Variants in AKAP6 observed in about 807,000 individuals in gnomAD.
AKAP6 encodes the protein A-kinase anchor protein 6.
Under a neutral mutation model 188.5 loss-of-function variants are expected in AKAP6, and 58 were observed. The ratio of observed to expected loss-of-function variants is 0.31; its 90% CI spans 0.25 to 0.38. The LOEUF is 0.38. Among genes scored for constraint, AKAP6 ranks in the 10% least tolerant of loss-of-function variants. AKAP6 has a pLI of 1.00. For synonymous variants in AKAP6, 989 were observed against 998.6 expected, an observed-to-expected ratio of 0.99 and a Z score of 0.18; for missense variants, 2,710 against 2,740.0, an observed-to-expected ratio of 0.99 and a Z score of 0.24.
intron 1 of AKAP6, among the ~76,000 whole-genome samples, chr14:32,372,563 C>CTT (rs11414064): frequency 0.013 from 1,970 of 147,814 alleles, 36 homozygotes; most frequent in East Asian, 0.09. Flanking sequence ...TTTAAGATCA[C>CTT]TTTTTTTTTT....
intron 2 of AKAP6, among the ~76,000 whole-genome samples, chr14:32,518,955 G>A (rs1881668002): frequency 6.6e-6 from 1 of 152,186 alleles, no homozygotes; most frequent in African/African-American, 2.4e-5. Context: ...GAAAGGTCGG[G>A]TTACCCACAA....
chr14:32,622,595 T>G (rs542136165), intron 7 of AKAP6, among the ~76,000 whole-genome samples: 11 of 152,248 alleles, frequency 7.2e-5, no homozygotes, highest in African/African-American at 2.6e-4. Context: ...CTCAAAGGGT[T>G]ATTGAATTGA....
chr14:32,714,791 C>A lies in AKAP6; in HGVS notation c.3001-17663C>A, dbSNP rs149936835. Among the ~76,000 whole-genome samples, 847 of 151,894 alleles carry A rather than the reference C, an allele frequency of 5.6e-3. 3 individuals carry two copies. The highest frequency in any genetic ancestry group is 0.021 in the Middle Eastern group (6 of 292). On this transcript the variant is annotated intron_variant, in intron 9 of 13. Transcript: ENST00000280979. ...AAGTCATTTCATAATATATGAGCAA[C>A]CTTTTCTTACCTTCTGCTTGTATTG...
At chr14:32,361,950 T>G (rs1164594270) in intron 1 of AKAP6, among the ~76,000 whole-genome samples, 1 of 152,136 alleles carries the variant, frequency 6.6e-6, no homozygotes, top group African/African-American at 2.4e-5. Flanking sequence ...TCTGAGTTTT[T>G]TTTTTTCAGC....
intron 4 of AKAP6, among the ~76,000 whole-genome samples, chr14:32,557,820 T>G (rs1883758626): frequency 6.6e-6 from 1 of 152,192 alleles, no homozygotes; most frequent in African/African-American, 2.4e-5. Flanking sequence ...CCATTGCTTT[T>G]CTTTACTTTT....
intron 2 of AKAP6, among the ~76,000 whole-genome samples, chr14:32,529,140 G>T (rs1882279637): frequency 6.6e-6 from 1 of 152,066 alleles, no homozygotes; most frequent in South Asian, 2.1e-4. Flanking sequence ...TTACTTCCTT[G>T]ATTTCTTTCA....
chr14:32,518,652 G>A (rs192741370), intron 2 of AKAP6, among the ~76,000 whole-genome samples: 93 of 152,202 alleles, frequency 6.1e-4, no homozygotes, highest in African/African-American at 2.1e-3. Context: ...AAGAAAAAGA[G>A]TAAAAAGAAA....
At chr14:32,630,152 C>T (rs1386862477) in intron 7 of AKAP6, among the ~76,000 whole-genome samples, 2 of 152,084 alleles carry the variant, frequency 1.3e-5, no homozygotes, top group East Asian at 3.9e-4. Flanking sequence ...TAAGTTGTCA[C>T]AATTTAACAC....
chr14:32,549,097 A>G lies in AKAP6; in HGVS notation c.2346+2098A>G, dbSNP rs904798187. 2.8e-4 allele frequency among the ~76,000 whole-genome samples: 43 copies of G among 152,222 alleles called. 1 individual carries two copies. Among genetic ancestry groups the G allele is most frequent in the Non-Finnish European group, 1.5e-5 (1 of 68,044 alleles). ...AACATATTAATCATCATTAACATATATCAAGTATTCGTGTATCTAGTCCTC... is the reference window on the plus strand; with the variant it reads ...AACATATTAATCATCATTAACATATGTCAAGTATTCGTGTATCTAGTCCTC... On this transcript the variant is annotated intron_variant, in intron 4 of 13. Coordinates refer to ENST00000280979, the MANE Select transcript of AKAP6 (RefSeq NM_004274.5).
chr14:32,573,961 G>A (rs374537707), intron 4 of AKAP6, among the ~76,000 whole-genome samples: 5 of 152,120 alleles, frequency 3.3e-5, no homozygotes, highest in African/African-American at 4.8e-5. Flanking sequence ...ACAGAAACCC[G>A]GTGATAGTAC....
At chr14:32,748,531 T>C (rs1196364060) in intron 11 of AKAP6, among the ~76,000 whole-genome samples, 1 of 152,220 alleles carries the variant, frequency 6.6e-6, no homozygotes, top group Non-Finnish European at 1.5e-5. Flanking sequence ...AGCAGGGTTA[T>C]AGTAAATAGA....
intron 1 of AKAP6, among the ~76,000 whole-genome samples, chr14:32,421,113 A>ATGCC: frequency 6.6e-6 from 1 of 152,174 alleles, no homozygotes; most frequent in Admixed American, 6.6e-5. Flanking sequence ...TCCTTTGTAT[A>ATGCC]TGCCTCTACT....
chr14:32,447,305 A>G (rs957920937), intron 2 of AKAP6, among the ~76,000 whole-genome samples: 1 of 152,172 alleles, frequency 6.6e-6, no homozygotes, highest in Non-Finnish European at 1.5e-5. Context: ...AGTTTCTCCT[A>G]CTTTTTTGTA....
intron 5 of AKAP6, among the ~76,000 whole-genome samples, chr14:32,583,077 G>A (rs1405780721): frequency 6.6e-6 from 1 of 152,120 alleles, no homozygotes; most frequent in Admixed American, 6.5e-5. Flanking sequence ...GCTTTTTAGA[G>A]TTTCCAGTTT....
chr14:32,576,273 T>C (rs976506726), intron 4 of AKAP6, among the ~76,000 whole-genome samples: 5 of 152,140 alleles, frequency 3.3e-5, no homozygotes, highest in African/African-American at 1.2e-4. Flanking sequence ...TTGCTCCTTA[T>C]GACCTCCAGG....
At chr14:32,366,312 A>G (rs1887832489) in intron 1 of AKAP6, among the ~76,000 whole-genome samples, 1 of 152,186 alleles carries the variant, frequency 6.6e-6, no homozygotes, top group Non-Finnish European at 1.5e-5. Context: ...AGAACACTAC[A>G]TTTGAACTGA....
chr14:32,582,722 G>T (rs1341425147), intron 5 of AKAP6, among the ~76,000 whole-genome samples: 1 of 150,734 alleles, frequency 6.6e-6, no homozygotes, highest in African/African-American at 2.4e-5. Context: ...TTCCCTTCTC[G>T]CTTCATTTCA....
At chr14:32,422,562 A>G (rs918596603) in intron 1 of AKAP6, among the ~76,000 whole-genome samples, 9 of 152,158 alleles carry the variant, frequency 5.9e-5, no homozygotes, top group African/African-American at 2.2e-4. Flanking sequence ...TCTAAGCTTC[A>G]ATGTCCATAG....
intron 11 of AKAP6, among the ~76,000 whole-genome samples, chr14:32,746,189 C>T (rs867763808): frequency 2.0e-5 from 3 of 152,028 alleles, no homozygotes; most frequent in Middle Eastern, 3.2e-3. Context: ...ATCTAAGATG[C>T]GAGACCAAGT....
Sources: gnomAD v4.1 joint callset for allele counts (sites outside exome capture counted in the v4.1 genomes callset) on GRCh38, gnomAD v4.1.1 for gene constraint, MANE v1.5 for transcripts, NCBI Gene and HGNC (gene_info 2026-07-23, HGNC 2026-07-21) for gene names.